The following BRD10 variants were observed in gnomAD, a reference collection of about 807,000 sequenced individuals.
The protein encoded by BRD10 is uncharacterized bromodomain-containing protein 10.
the BRD10 span, among the ~76,000 whole-genome samples, chr9:5,943,065 C>T: frequency 3.3e-4 from 50 of 152,068 alleles, no homozygotes; most frequent in African/African-American, 1.1e-3. Flanking sequence ...TTTGTAGAGA[C>T]GGGGTCTAGC....
At chr9:5,983,607 T>C in the BRD10 span, among the ~76,000 whole-genome samples, 1 of 152,188 alleles carries the variant, frequency 6.6e-6, no homozygotes, top group South Asian at 2.1e-4. Context: ...AAAATTATAT[T>C]CAGTAAACAG....
the BRD10 span, among the ~76,000 whole-genome samples, chr9:5,903,355 G>C: frequency 6.6e-6 from 1 of 152,102 alleles, no homozygotes; most frequent in Non-Finnish European, 1.5e-5. Flanking sequence ...AGATTTTGTT[G>C]AGTTCCACTC....
the BRD10 span, among the ~76,000 whole-genome samples, chr9:5,953,425 A>G: frequency 6.6e-6 from 1 of 152,116 alleles, no homozygotes; most frequent in Non-Finnish European, 1.5e-5. Flanking sequence ...TCTTCACTTA[A>G]TCATATGGCA....
At chr9:5,922,460 A>G in the BRD10 span, 23 of 1,613,856 alleles carry the variant, frequency 1.4e-5, no homozygotes, top group Non-Finnish European at 1.7e-5. Context: ...AGCACTACTT[A>G]TATTTGATAA....
At chr9:5,968,424 C>G in the BRD10 span, 3 of 1,612,740 alleles carry the variant, frequency 1.9e-6, no homozygotes, top group East Asian at 2.2e-5. Context: ...CTAAGAGGCT[C>G]TCCAAAGCCA....
At chr9:5,897,707 G>C in the BRD10 span, 6 of 1,445,584 alleles carry the variant, frequency 4.2e-6, no homozygotes, top group Non-Finnish European at 5.8e-6. Flanking sequence ...CCTCTTTCCA[G>C]TTCTTTCCTC....
the BRD10 span, among the ~76,000 whole-genome samples, chr9:5,941,733 AAG>A: frequency 6.6e-6 from 1 of 152,196 alleles, no homozygotes; most frequent in Non-Finnish European, 1.5e-5. Context: ...AAAGGTTAAA[AAG>A]ACTTTGTTAT....
the BRD10 span, among the ~76,000 whole-genome samples, chr9:5,906,154 C>T: frequency 2.0e-5 from 3 of 150,054 alleles, no homozygotes; most frequent in South Asian, 6.3e-4. Flanking sequence ...AGTTTAAGAC[C>T]AGCCTAGGCA....
At chr9:5,949,469 T>C in the BRD10 span, among the ~76,000 whole-genome samples, 3 of 152,208 alleles carry the variant, frequency 2.0e-5, no homozygotes, top group Admixed American at 2.0e-4. Flanking sequence ...AGTTTCTCCA[T>C]TGGTTAGATG....
chr9:5,934,550 G>A, the BRD10 span, among the ~76,000 whole-genome samples: 2 of 151,842 alleles, frequency 1.3e-5, no homozygotes, highest in Non-Finnish European at 2.9e-5. Flanking sequence ...TTTTTCAGTA[G>A]AGATGAGGCT....
the BRD10 span, among the ~76,000 whole-genome samples, chr9:5,894,972 A>G: frequency 6.6e-6 from 1 of 152,208 alleles, no homozygotes; most frequent in Non-Finnish European, 1.5e-5. The surrounding 1 kb of genome is among the most constrained non-coding windows in gnomAD (Gnocchi z 4.0). Context: ...GTGTCTTGCA[A>G]CCTGAATGAC....
the BRD10 span, chr9:5,923,152 A>G: frequency 1.2e-6 from 2 of 1,614,004 alleles, no homozygotes; most frequent in Non-Finnish European, 1.7e-6. Flanking sequence ...TCTTCCTTGG[A>G]GAAAGCTCTT....
At chr9:5,954,142 T>C in the BRD10 span, 2 of 1,056,022 alleles carry the variant, frequency 1.9e-6, no homozygotes, top group East Asian at 2.6e-5. Flanking sequence ...TTTATAGCAC[T>C]TCATTAACAA....
chr9:5,881,931 C>A, the BRD10 span, among the ~76,000 whole-genome samples: 2 of 152,282 alleles, frequency 1.3e-5, no homozygotes, highest in East Asian at 3.9e-4. Context: ...GACGTAATCC[C>A]CACTCTCACA....
chr9:6,005,289 T>A, the BRD10 span, among the ~76,000 whole-genome samples: 53 of 151,868 alleles, frequency 3.5e-4, no homozygotes, highest in Non-Finnish European at 1.3e-4. Context: ...GGCGGGCGGA[T>A]CACCTGAGGT....
chr9:5,915,736 T>G, the BRD10 span, among the ~76,000 whole-genome samples: 2 of 152,160 alleles, frequency 1.3e-5, no homozygotes, highest in Non-Finnish European at 2.9e-5. Context: ...CTCTAACTTA[T>G]TATTATTTTA....
the BRD10 span, among the ~76,000 whole-genome samples, chr9:5,994,269 A>C: frequency 6.6e-6 from 1 of 152,190 alleles, no homozygotes; most frequent in African/African-American, 2.4e-5. Flanking sequence ...ATAGTAAAGT[A>C]TCCATATATG....
At chr9:5,946,526 T>C in the BRD10 span, among the ~76,000 whole-genome samples, 1 of 152,066 alleles carries the variant, frequency 6.6e-6, no homozygotes, top group African/African-American at 2.4e-5. Flanking sequence ...TGGAACAATG[T>C]TGTCCCTACC....
chr9:5,891,585 AAG>A, the BRD10 span, among the ~76,000 whole-genome samples: 6 of 152,212 alleles, frequency 3.9e-5, no homozygotes, highest in Admixed American at 3.9e-4. Context: ...TGAGGACAGT[AAG>A]AGAGCAGAAA....
Sources: gnomAD v4.1 joint callset for allele counts (sites outside exome capture counted in the v4.1 genomes callset) on GRCh38, gnomAD v4.1.1 for gene constraint, Gnocchi (gnomAD v3.1) non-coding constraint, MANE v1.5 for transcripts, NCBI Gene and HGNC (gene_info 2026-07-23, HGNC 2026-07-21) for gene names.